The following HHAT variants were observed in gnomAD, a reference collection of about 807,000 sequenced individuals.
HHAT encodes the protein protein-cysteine N-palmitoyltransferase HHAT.
A neutral mutation model predicts 70.8 loss-of-function variants in HHAT; 47 were observed. The observed-to-expected ratio is 0.66, with a 90% confidence interval of 0.53 to 0.85. HHAT has a LOEUF of 0.85. Ranked by LOEUF, HHAT falls within the 40% of genes least tolerant of loss-of-function variation. The pLI, the probability that HHAT is intolerant of heterozygous loss-of-function variation, is 0.00. For missense variants in HHAT, 609 were observed against 604.8 expected (o/e 1.01, Z -0.07); for synonymous variants, 228 against 247.6 (o/e 0.92, Z 0.74).
intron 11 of HHAT, among the ~76,000 whole-genome samples, chr1:210,646,918 A>T (rs895248230): frequency 4.6e-5 from 7 of 152,232 alleles, no homozygotes; most frequent in Non-Finnish European, 8.8e-5. Flanking sequence ...TAGCATCCCC[A>T]GCTATTCCAA....
intron 8 of HHAT, among the ~76,000 whole-genome samples, chr1:210,504,118 C>A (rs1345252404): frequency 6.6e-5 from 10 of 152,196 alleles, no homozygotes; most frequent in Non-Finnish European, 1.3e-4. Flanking sequence ...GCAAATTACA[C>A]ATCCAATAAA....
At chr1:210,509,309 G>A (rs1047605003) in intron 8 of HHAT, among the ~76,000 whole-genome samples, 4 of 152,160 alleles carry the variant, frequency 2.6e-5, no homozygotes, top group Non-Finnish European at 5.9e-5. Context: ...TGTCTCATTG[G>A]TGCTCAAAAA....
intron 1 of HHAT, among the ~76,000 whole-genome samples, chr1:210,329,797 G>C (rs1158180664): frequency 6.6e-6 from 1 of 152,196 alleles, no homozygotes; most frequent in Non-Finnish European, 1.5e-5. Context: ...GCCCAGGCTG[G>C]AGTGCAATGG....
At chr1:210,330,453 A>G (rs922267457) in intron 1 of HHAT, among the ~76,000 whole-genome samples, 2 of 152,214 alleles carry the variant, frequency 1.3e-5, no homozygotes, top group African/African-American at 4.8e-5. Flanking sequence ...AGTACATGTC[A>G]GGGCCGGGTT....
chr1:210,570,873 T>G (rs1469154066), intron 9 of HHAT, among the ~76,000 whole-genome samples: 1 of 152,158 alleles, frequency 6.6e-6, no homozygotes. Flanking sequence ...AGTAGCTTGG[T>G]TGCCCTGATC....
intron 11 of HHAT, among the ~76,000 whole-genome samples, chr1:210,659,602 A>G (rs537641669): frequency 4.6e-5 from 7 of 152,344 alleles, no homozygotes; most frequent in African/African-American, 1.4e-4. Flanking sequence ...AAAGCCTGCC[A>G]GAGACACAAC....
At chr1:210,350,941 C>G (rs550764678) in intron 2 of HHAT, among the ~76,000 whole-genome samples, 124 of 152,214 alleles carry the variant, frequency 8.1e-4, no homozygotes, top group African/African-American at 2.9e-3. Context: ...TCCTAGTTTT[C>G]TGAGAGCTTT....
chr1:210,374,182 A>C (rs900075610), intron 3 of HHAT: 1 of 152,242 alleles, frequency 6.6e-6, no homozygotes, highest in Non-Finnish European at 1.5e-5. Context: ...GCTTACAAAA[A>C]ATTAGCTTAT....
At chr1:210,600,743 A>G (rs1179740946) in intron 10 of HHAT, among the ~76,000 whole-genome samples, 1 of 152,120 alleles carries the variant, frequency 6.6e-6, no homozygotes, top group Non-Finnish European at 1.5e-5. Flanking sequence ...TTTTAATCAG[A>G]GGAAACATTT....
chr1:210,464,617 C>T lies in HHAT; in HGVS notation c.969C>T (p.Arg323=). Reference sequence around the variant, plus strand: ...GACTCACTCCACCCGCCCTCCCCCGCTGCGTGAGCACCATGTTCAGTTTCA... The same window carrying T: ...GACTCACTCCACCCGCCCTCCCCCGTTGCGTGAGCACCATGTTCAGTTTCA... ...LDGLTPPALP[R]CVSTMFSFTG... is the part of the protein sequence containing the mutation. Residue 323 remains arginine, a synonymous_variant, in exon 8 of 12, where the codon CGC becomes CGT. Coordinates refer to ENST00000261458, the MANE Select transcript of HHAT (RefSeq NM_018194.6). 1 of 1,614,222 alleles carries T rather than the reference C, an allele frequency of 6.2e-7. No individual in the cohort carries two copies. The highest frequency in any genetic ancestry group is 1.1e-5 in the South Asian group (1 of 91,086).
intron 7 of HHAT, among the ~76,000 whole-genome samples, chr1:210,452,878 T>A (rs2093782714): frequency 6.6e-6 from 1 of 152,224 alleles, no homozygotes; most frequent in East Asian, 1.9e-4. Context: ...TTGGTTGTTC[T>A]TACATGGCAA....
At chr1:210,394,306 C>T (rs911179845) in intron 4 of HHAT, among the ~76,000 whole-genome samples, 3 of 136,348 alleles carry the variant, frequency 2.2e-5, no homozygotes, top group South Asian at 2.4e-4. Context: ...TTCCTTGGCT[C>T]AGTTAAACAC....
intron 10 of HHAT, among the ~76,000 whole-genome samples, chr1:210,594,711 C>T (rs574348970): frequency 9.0e-4 from 137 of 152,290 alleles, no homozygotes; most frequent in African/African-American, 2.9e-3. Flanking sequence ...GAAGAACTGC[C>T]GTTGGCATTT....
chr1:210,553,195 C>T (rs116772056), intron 9 of HHAT, among the ~76,000 whole-genome samples: 345 of 152,258 alleles, frequency 2.3e-3, no homozygotes, highest in African/African-American at 7.7e-3. Context: ...AAGAGGGGAC[C>T]AAGGCTGGCT....
intron 11 of HHAT, among the ~76,000 whole-genome samples, chr1:210,637,221 A>C (rs1672036203): frequency 6.6e-6 from 1 of 152,204 alleles, no homozygotes; most frequent in South Asian, 2.1e-4. Flanking sequence ...TGTACATGCA[A>C]AAGAATGAAG....
chr1:210,626,670 C>G (rs188332108), intron 11 of HHAT, among the ~76,000 whole-genome samples: 2 of 152,228 alleles, frequency 1.3e-5, no homozygotes, highest in Admixed American at 1.3e-4. Context: ...ATCTCCCATC[C>G]TGGAGAACTC....
chr1:210,366,623 TAAAAA>T (rs1395814772), intron 3 of HHAT, among the ~76,000 whole-genome samples: 12 of 152,222 alleles, frequency 7.9e-5, no homozygotes, highest in Non-Finnish European at 1.8e-4. Context: ...ACCTTGTCTC[TAAAAA>T]TAAAATCAAA....
At chr1:210,525,891 G>A (rs145068016) in intron 9 of HHAT, among the ~76,000 whole-genome samples, 2 of 152,222 alleles carry the variant, frequency 1.3e-5, no homozygotes, top group Non-Finnish European at 1.5e-5. Flanking sequence ...CTGCAGATGG[G>A]TTATTTACTT....
At chr1:210,400,419 C>G (rs374980076) in intron 4 of HHAT, 49 bp from the exon 5 acceptor site, 2 of 1,511,468 alleles carry the variant, frequency 1.3e-6, no homozygotes, top group Non-Finnish European at 1.8e-6. Flanking sequence ...ATTTTCCTCC[C>G]TCCCCTCTTC....
Sources: gnomAD v4.1 joint callset for allele counts (sites outside exome capture counted in the v4.1 genomes callset) on GRCh38, gnomAD v4.1.1 for gene constraint, MANE v1.5 for transcripts, NCBI Gene and HGNC (gene_info 2026-07-23, HGNC 2026-07-21) for gene names.